Variants in CEMIP observed in about 807,000 individuals in gnomAD.
The protein encoded by CEMIP is cell migration-inducing and hyaluronan-binding protein.
CEMIP carries 105 observed loss-of-function variants against 156.9 expected under a neutral mutation model. That is an observed-to-expected ratio of 0.67 (90% CI 0.57 to 0.79). The LOEUF (loss-of-function observed/expected upper bound fraction) is 0.79. CEMIP is among the 30% of genes least tolerant of loss of function. The probability of loss-of-function intolerance (pLI) is 0.00; values close to 1 mark genes in which losing one functional copy is unlikely to be tolerated. For synonymous variants in CEMIP, 676 were observed against 668.4 expected (o/e 1.01, Z -0.17); for missense variants, 1,457 against 1,769.4 (o/e 0.82, Z 3.17).
At chr15:80,804,715 T>C (rs913380644) in intron 1 of CEMIP, among the ~76,000 whole-genome samples, 1 of 152,176 alleles carries the variant, frequency 6.6e-6, no homozygotes, top group African/African-American at 2.4e-5. Context: ...TCTAAACCTC[T>C]GGGAAAGTCT....
intron 1 of CEMIP, among the ~76,000 whole-genome samples, chr15:80,868,256 G>C (rs981646083): frequency 6.6e-6 from 1 of 152,178 alleles, no homozygotes; most frequent in African/African-American, 2.4e-5. Flanking sequence ...ACCCAGGCTT[G>C]ATTTCAAGAT....
intron 28 of CEMIP, among the ~76,000 whole-genome samples, chr15:80,944,510 T>C (rs972501888): frequency 6.6e-6 from 1 of 152,168 alleles, no homozygotes; most frequent in African/African-American, 2.4e-5. Context: ...TGCTACATAG[T>C]AGGTGCTTAG....
At chr15:80,928,638 G>A (rs1900785933) in intron 19 of CEMIP, among the ~76,000 whole-genome samples, 1 of 152,188 alleles carries the variant, frequency 6.6e-6, no homozygotes, top group Non-Finnish European at 1.5e-5. Context: ...CAGTCTGCAT[G>A]CTGTCAATGC....
At position 80,880,982 on chromosome 15, in the gene CEMIP, G is replaced by A. The variant is rs1354034420; in HGVS notation, c.463G>A (p.Gly155Arg). ...VGKGGALELH[G>R]QKKLSWTFLN... ...TAAAGGAGGCGCTCTTGAGTTGCAT[G>A]GACAGAAAAAGCTCTCCTGGACATT... The change falls in exon 6 of 30, where the codon GGA becomes AGA. Residue 155 changes from glycine (G) to arginine (R), a missense_variant. Gly to Arg is a moderately radical substitution (Grantham distance 125). Coordinates refer to ENST00000394685, the MANE Select transcript of CEMIP (RefSeq NM_001293298.2). The A allele has an allele frequency of 6.2e-7, 1 of 1,614,178 alleles. No homozygotes were observed. The highest frequency in any genetic ancestry group is 8.5e-7 in the Non-Finnish European group (1 of 1,180,030).
rs1424761114 is a variant in CEMIP at position 80,933,031 on chromosome 15, G to C, written c.2794-214G>C. Among the ~76,000 whole-genome samples the C allele has an allele frequency of 3.3e-5, 5 of 152,202 alleles. No homozygotes were observed. In the East Asian group the frequency reaches 7.7e-4, roughly 23 times the overall value. ...CAGTGAGCAGAGGCCAAAAGCATGT[G>C]CTAGGTCTGGGAGTTGAGGCACAGT... is the stretch of plus-strand genomic sequence containing the variant. On this transcript the variant is annotated intron_variant, in intron 22 of 29. Coordinates refer to ENST00000394685, the MANE Select transcript of CEMIP (RefSeq NM_001293298.2).
chr15:80,839,495 G>T (rs1013213725), intron 1 of CEMIP, among the ~76,000 whole-genome samples: 5 of 152,130 alleles, frequency 3.3e-5, no homozygotes, highest in African/African-American at 7.2e-5. Context: ...AGGAGGGCCA[G>T]CACCCGCAGC....
chr15:80,884,051 T>C, intron 6 of CEMIP, 124 bp from the exon 7 acceptor site: 1 of 969,030 alleles, frequency 1.0e-6, no homozygotes, highest in South Asian at 1.4e-5. Context: ...CTTCCTTCTT[T>C]AAGAATCACA....
intron 1 of CEMIP, among the ~76,000 whole-genome samples, chr15:80,829,849 C>T (rs1299108796): frequency 6.6e-6 from 1 of 152,100 alleles, no homozygotes; most frequent in Non-Finnish European, 1.5e-5. Context: ...GGTAAACCAA[C>T]GCTTCCTTTA....
In CEMIP at chr15:80,906,842, T is replaced by C. The variant is rs762232164; in HGVS notation, c.1587+4T>C. The stretch of plus-strand genomic sequence containing the variant: ...TACCTTTGGGGGCCACATCAAGGTA[T>C]GTGTCTCTCTGGCAGAGTCTTTCAA... On this transcript the variant is annotated splice_donor_region_variant and intron_variant, in intron 13 of 29. Coordinates refer to ENST00000394685, the MANE Select transcript of CEMIP (RefSeq NM_001293298.2). This position sits in a 1 kb window ranked among gnomAD's most constrained non-coding sequence, Gnocchi z 4.3. 1.9e-6 allele frequency: 3 copies of C among 1,609,600 alleles called. No homozygotes were observed. The highest frequency in any genetic ancestry group is 2.2e-5 in the South Asian group (2 of 90,486).
chr15:80,837,990 A>G (rs145807250), intron 1 of CEMIP, among the ~76,000 whole-genome samples: 1 of 152,218 alleles, frequency 6.6e-6, no homozygotes, highest in Non-Finnish European at 1.5e-5. Flanking sequence ...ACTCCTACCA[A>G]TGCATTTCCC....
chr15:80,873,763 CTGTG>C (rs1223602721), intron 2 of CEMIP, 67 bp downstream of exon 2: 1 of 799,196 alleles, frequency 1.3e-6, no homozygotes, highest in East Asian at 2.7e-5. Context: ...TGTCCCGTGT[CTGTG>C]TGTGTGCATG....
rs559404970 is a variant in CEMIP at position 80,948,935 on chromosome 15, C to T, written c.*11C>T. 5 of 1,614,188 alleles carry T rather than the reference C, an allele frequency of 3.1e-6. No homozygotes were observed. The highest frequency in any genetic ancestry group is 2.2e-5 in the South Asian group (2 of 91,090). On this transcript the variant is annotated 3_prime_UTR_variant, in exon 30 of 30. Coordinates refer to ENST00000394685, the MANE Select transcript of CEMIP (RefSeq NM_001293298.2). ...AAGAAGAAGTTGTGAGGACAGCTGC[C>T]GCCCGGTGCCACCTCGTGGTAGACT... is the stretch of plus-strand genomic sequence containing the variant.
Position 80,906,577 on chromosome 15 carries a change from C to T in CEMIP, c.1412-86C>T. 2 of 1,340,528 alleles carry T rather than the reference C, an allele frequency of 1.5e-6. No homozygotes were observed. The highest frequency in any genetic ancestry group is 2.1e-6 in the Non-Finnish European group (2 of 957,098). 83.0% of individuals were successfully genotyped at this position (1,340,528 alleles called of 1,614,324 possible). On this transcript the variant is annotated intron_variant, in intron 12 of 29. Coordinates refer to ENST00000394685, the MANE Select transcript of CEMIP (RefSeq NM_001293298.2). This position sits in a 1 kb window ranked among gnomAD's most constrained non-coding sequence, Gnocchi z 4.3. ...ACCAGGCATGGCGATGAGTAAGCAG[C>T]AGCCATGGAGGCACCTGGCAGGGGC...
chr15:80,942,155 G>A lies in CEMIP; in HGVS notation c.3613-96G>A, dbSNP rs1472537575. The A allele has an allele frequency of 4.0e-6, 6 of 1,490,212 alleles. No individual in the cohort carries two copies. The East Asian group carries it at 1.4e-4, about 34-fold the overall frequency. The allele number at this position is 1,490,212 out of a possible 1,614,324, so 92.3% of individuals were successfully genotyped here. On this transcript the variant is annotated intron_variant, in intron 26 of 29. Transcript: ENST00000394685. ...CAGACCCAATTAGGTCCCTCACTCA[G>A]CTCCATAAACCATTTCCTGTGACTG...
intron 1 of CEMIP, among the ~76,000 whole-genome samples, chr15:80,781,879 G>T (rs1895807669): frequency 2.0e-5 from 3 of 152,196 alleles, no homozygotes; most frequent in East Asian, 1.9e-4. Context: ...AAAGACAGTT[G>T]TGCATTTCTT....
rs1567103755 is a variant in CEMIP, at chr15:80,924,833, C to A, written c.2288+127C>A. On this transcript the variant is annotated intron_variant, in intron 18 of 29. Coordinates refer to ENST00000394685, the MANE Select transcript of CEMIP (RefSeq NM_001293298.2). ...CCCTTGCTTTGTGCTGGGCTTTGAG[C>A]TAGTTGCTGGGGGTACAATGGTGAA... 3.5e-6 allele frequency: 3 copies of A among 863,110 alleles called. No individual in the cohort carries two copies. In the East Asian group the frequency reaches 7.8e-5, roughly 23 times the overall value. The allele number at this position is 863,110 out of a possible 1,614,324, so 53.5% of individuals were successfully genotyped here. A position where few individuals can be genotyped will look rare whatever the true frequency, so the allele number is the denominator to read the frequency against.
chr15:80,799,663 A>G (rs187664745), intron 1 of CEMIP, among the ~76,000 whole-genome samples: 2 of 152,328 alleles, frequency 1.3e-5, no homozygotes, highest in African/African-American at 4.8e-5. Flanking sequence ...AAGATATGGA[A>G]TCAATCTAAG....
chr15:80,854,763 G>A (rs1160771410), intron 1 of CEMIP, among the ~76,000 whole-genome samples: 1 of 152,154 alleles, frequency 6.6e-6, no homozygotes, highest in African/African-American at 2.4e-5. Context: ...GGGAAGTCCT[G>A]GGGAGGGAAA....
chr15:80,829,523 C>T (rs1360169100), intron 1 of CEMIP, among the ~76,000 whole-genome samples: 1 of 152,212 alleles, frequency 6.6e-6, no homozygotes, highest in Non-Finnish European at 1.5e-5. Flanking sequence ...ATGTTGGGCA[C>T]CCCTTAGATC....
Sources: gnomAD v4.1 joint callset for allele counts (sites outside exome capture counted in the v4.1 genomes callset) on GRCh38, gnomAD v4.1.1 for gene constraint, Gnocchi (gnomAD v3.1) non-coding constraint, MANE v1.5 for transcripts, NCBI Gene and HGNC (gene_info 2026-07-23, HGNC 2026-07-21) for gene names.